The following SUCLG2 variants were observed in gnomAD, a reference collection of about 807,000 sequenced individuals.
SUCLG2 encodes succinate-CoA ligase GDP-forming subunit beta.
A neutral mutation model predicts 47.9 loss-of-function variants in SUCLG2; 42 were observed. That is an observed-to-expected ratio of 0.88 (90% CI 0.69 to 1.14). SUCLG2 has a LOEUF of 1.14. SUCLG2 is among the 50% of genes most tolerant of loss of function. SUCLG2 has a pLI of 0.00. For missense variants in SUCLG2, 571 were observed against 525.9 expected (o/e 1.09, Z -0.84); for synonymous variants, 195 against 197.3 (o/e 0.99, Z 0.10).
chr3:67,608,311 G>C (rs906273663), intron 2 of SUCLG2, among the ~76,000 whole-genome samples: 3 of 152,230 alleles, frequency 2.0e-5, no homozygotes, highest in Non-Finnish European at 2.9e-5. Context: ...ACAGCTGACA[G>C]AAGTGGGTGA....
At chr3:67,595,871 G>C (rs952630867) in intron 2 of SUCLG2, among the ~76,000 whole-genome samples, 1 of 152,212 alleles carries the variant, frequency 6.6e-6, no homozygotes, top group Non-Finnish European at 1.5e-5. Context: ...ATAAGTAAAT[G>C]AAAGTCTAAG....
chr3:67,539,293 C>T (rs530924148), intron 2 of SUCLG2, among the ~76,000 whole-genome samples: 21 of 152,172 alleles, frequency 1.4e-4, no homozygotes, highest in African/African-American at 4.8e-4. Context: ...TATCAAAGGC[C>T]TTTTCTGCAT....
At chr3:67,529,722 G>A (rs1264856992) in intron 2 of SUCLG2, among the ~76,000 whole-genome samples, 1 of 152,200 alleles carries the variant, frequency 6.6e-6, no homozygotes, top group Non-Finnish European at 1.5e-5. Flanking sequence ...AAGGGAGGAG[G>A]AAATGGATTA....
intron 9 of SUCLG2, among the ~76,000 whole-genome samples, chr3:67,462,314 T>C (rs1704357170): frequency 6.6e-6 from 1 of 152,190 alleles, no homozygotes; most frequent in African/African-American, 2.4e-5. Context: ...GAAGGGGTCC[T>C]GTGTCATACC....
At chr3:67,522,746 C>G (rs975113506) in intron 4 of SUCLG2, among the ~76,000 whole-genome samples, 1 of 150,700 alleles carries the variant, frequency 6.6e-6, no homozygotes, top group Non-Finnish European at 1.5e-5. Context: ...TCACTGCAAG[C>G]TCTGCCTACC....
intron 4 of SUCLG2, 151 bp from the exon 5 acceptor site, chr3:67,520,785 C>G: frequency 2.4e-6 from 2 of 823,140 alleles, no homozygotes; most frequent in Non-Finnish European, 3.8e-6. Flanking sequence ...GAGTTCTGCT[C>G]TCATGGTGCA....
chr3:67,417,325 T>C (rs1170558177), intron 9 of SUCLG2, among the ~76,000 whole-genome samples: 1 of 152,238 alleles, frequency 6.6e-6, no homozygotes, highest in East Asian at 1.9e-4. Flanking sequence ...TCATCATTGC[T>C]AGCTGCCTAG....
rs554077270 is a variant in SUCLG2 at position 67,450,438 on chromosome 3, T to A, written c.1062+45360A>T. Reference sequence around the variant, plus strand: ...TTAAGCCATATTGGCACCAAGAGACTTTCTTGAGATTTTCTGGAATTGAAA... The same window carrying A: ...TTAAGCCATATTGGCACCAAGAGACATTCTTGAGATTTTCTGGAATTGAAA... On this transcript the variant is annotated intron_variant, in intron 9 of 10. Transcript: ENST00000307227. Among the ~76,000 whole-genome samples, 6 of 152,322 alleles carry A rather than the reference T, an allele frequency of 3.9e-5. No homozygotes were observed. In the South Asian group the frequency reaches 1.2e-3, roughly 32 times the overall value.
intron 9 of SUCLG2, among the ~76,000 whole-genome samples, chr3:67,482,388 C>T (rs563809183): frequency 6.6e-6 from 1 of 152,126 alleles, no homozygotes; most frequent in Middle Eastern, 3.2e-3. Context: ...ATTGGCAGTG[C>T]CTTTAAGGAA....
chr3:67,537,719 C>T (rs987148142), intron 2 of SUCLG2, among the ~76,000 whole-genome samples: 7 of 152,182 alleles, frequency 4.6e-5, no homozygotes, highest in Admixed American at 3.9e-4. Context: ...TCTCCACATC[C>T]TCTCCAGCAT....
At chr3:67,647,400 T>C (rs544674097) in intron 1 of SUCLG2, among the ~76,000 whole-genome samples, 1 of 152,244 alleles carries the variant, frequency 6.6e-6, no homozygotes, top group Non-Finnish European at 1.5e-5. Flanking sequence ...GGTCAAAGTC[T>C]GAACCCAGAA....
At position 67,376,523 on chromosome 3, in the gene SUCLG2, T is replaced by C. The variant is rs1011683882; in HGVS notation, c.1184-664A>G. The C allele has an allele frequency of 3.1e-6, 3 of 978,512 alleles. No homozygotes were observed. In the African/African-American group the frequency reaches 5.3e-5, roughly 17 times the overall value. The allele number at this position is 978,512 out of a possible 1,614,324, so 60.6% of individuals were successfully genotyped here. A position where few individuals can be genotyped will look rare whatever the true frequency, so the allele number is the denominator to read the frequency against. Reference sequence around the variant, plus strand: ...AACAACTCCTGTAGGAGAAATGTAATAGAATTTAAGTGTCTAATGAAATAT... The same window carrying C: ...AACAACTCCTGTAGGAGAAATGTAACAGAATTTAAGTGTCTAATGAAATAT... On this transcript the variant is annotated intron_variant, in intron 10 of 10. Transcript: ENST00000307227.
At chr3:67,453,021 T>A (rs75404573) in intron 9 of SUCLG2, among the ~76,000 whole-genome samples, 1,592 of 151,670 alleles carry the variant, frequency 0.01, 13 homozygotes, top group African/African-American at 0.03. Flanking sequence ...CTTTCTGAAC[T>A]CCTTTAAGTT....
At position 67,493,874 on chromosome 3, in the gene SUCLG2, A is replaced by C. The variant is rs574292493; in HGVS notation, c.1062+1924T>G. 2.0e-5 allele frequency among the ~76,000 whole-genome samples: 3 copies of C among 152,356 alleles called. No individual in the cohort carries two copies. The Middle Eastern group carries it at 0.01, about 518-fold the overall frequency. ...GAGCCACTGATAGGTGTTTCTACCT[A>C]ACCAATGAAAACAAAGTGCTTATGT... is the stretch of plus-strand genomic sequence containing the variant. On this transcript the variant is annotated intron_variant, in intron 9 of 10. Coordinates refer to ENST00000307227, the MANE Select transcript of SUCLG2 (RefSeq NM_003848.4).
chr3:67,499,737 T>C (rs1027913767), intron 7 of SUCLG2, among the ~76,000 whole-genome samples: 1 of 151,994 alleles, frequency 6.6e-6, no homozygotes, highest in Non-Finnish European at 1.5e-5. Flanking sequence ...TATTTATTTA[T>C]TTATTTATTT....
chr3:67,507,795 C>G (rs1476856970), intron 7 of SUCLG2, among the ~76,000 whole-genome samples: 1 of 152,158 alleles, frequency 6.6e-6, no homozygotes, highest in Non-Finnish European at 1.5e-5. Context: ...TATTTACTGA[C>G]TGTAACAAGC....
At chr3:67,506,194 G>A (rs1020192234) in intron 7 of SUCLG2, among the ~76,000 whole-genome samples, 1 of 152,092 alleles carries the variant, frequency 6.6e-6, no homozygotes, top group African/African-American at 2.4e-5. Flanking sequence ...ATAAATGACT[G>A]CTTTTACAGC....
intron 2 of SUCLG2, among the ~76,000 whole-genome samples, chr3:67,543,932 G>C (rs1250463135): frequency 1.3e-5 from 2 of 152,158 alleles, no homozygotes; most frequent in Non-Finnish European, 2.9e-5. Context: ...GTTTATATTT[G>C]AGGAAGCCTC....
At chr3:67,642,407 C>A (rs1182837824) in intron 1 of SUCLG2, among the ~76,000 whole-genome samples, 2 of 151,856 alleles carry the variant, frequency 1.3e-5, no homozygotes, top group African/African-American at 4.8e-5. Flanking sequence ...AAGTTGGAGA[C>A]CAACCTGGGC....
Sources: allele counts gnomAD v4.1 joint callset (sites outside exome capture counted in the v4.1 genomes callset), GRCh38; gene constraint gnomAD v4.1.1; transcripts MANE v1.5; gene names NCBI Gene and HGNC (gene_info 2026-07-23, HGNC 2026-07-21).